RYR2: variants seen among roughly 807,000 people sequenced by gnomAD.
The protein encoded by RYR2 is cardiac muscle ryanodine receptor-calcium release channel.
Under a neutral mutation model 601.1 loss-of-function variants are expected in RYR2, and 227 were observed. That is an observed-to-expected ratio of 0.38 (90% CI 0.34 to 0.42). RYR2 has a LOEUF of 0.42. Ranked by LOEUF, RYR2 falls within the 10% of genes least tolerant of loss-of-function variation. The pLI is 1.00. For synonymous variants in RYR2, 2,223 were observed against 2,175.1 expected (o/e 1.02, Z -0.61); for missense variants, 4,646 against 6,156.5 (o/e 0.75, Z 8.21).
In RYR2 at chr1:237,772,045, A is replaced by G. The variant is rs794728776; in HGVS notation, c.11591A>G (p.Asn3864Ser). 6.4e-7 allele frequency: 1 copy of G among 1,553,338 alleles called. No individual in the cohort carries two copies. Among genetic ancestry groups the G allele is most frequent in the Non-Finnish European group, 8.8e-7 (1 of 1,142,532 alleles). The change falls in exon 86 of 105, where the codon AAT becomes AGT. Residue 3864 changes from asparagine (N) to serine (S), a missense_variant. Transcript: ENST00000366574. The stretch of plus-strand genomic sequence containing the variant: ...AATTATCTGAGAACTCAGACTGGCA[A>G]TAATACAACTGTCAACATAATTATC... ...FQNYLRTQTG[N>S]NTTVNIIIST...
At chr1:237,669,405 C>T (rs1476789041) in intron 58 of RYR2, among the ~76,000 whole-genome samples, 32 of 151,298 alleles carry the variant, frequency 2.1e-4, no homozygotes, top group African/African-American at 5.8e-4. Flanking sequence ...ACCTCCCAGA[C>T]GGGGTGGTGG....
rs201086644 is a variant in RYR2 at position 237,668,163 on chromosome 1, C to T, written c.8590+205C>T. Among the ~76,000 whole-genome samples, 7 of 152,258 alleles carry T rather than the reference C, an allele frequency of 4.6e-5. No individual in the cohort carries two copies. The East Asian group carries it at 1.4e-3, about 29-fold the overall frequency. On this transcript the variant is annotated intron_variant, in intron 58 of 104. Transcript: ENST00000366574. Reference sequence around the variant, plus strand: ...TTCTTGTGTCTCAGAATTTTGACAGCTTTCTTTTACCCATTTTAGCTTACA... The same window carrying T: ...TTCTTGTGTCTCAGAATTTTGACAGTTTTCTTTTACCCATTTTAGCTTACA...
intron 8 of RYR2, among the ~76,000 whole-genome samples, chr1:237,383,523 G>A (rs1701727857): frequency 1.4e-5 from 2 of 139,638 alleles, no homozygotes; most frequent in African/African-American, 5.3e-5. Flanking sequence ...TCCACCTCCC[G>A]GGTTCACGCC....
At chr1:237,197,304 G>A (rs1680679089) in intron 1 of RYR2, among the ~76,000 whole-genome samples, 1 of 152,082 alleles carries the variant, frequency 6.6e-6, no homozygotes, top group Non-Finnish European at 1.5e-5. Context: ...TATGATATTT[G>A]CTATAGGATT....
chr1:237,133,146 C>A (rs1039033747), intron 1 of RYR2, among the ~76,000 whole-genome samples: 3 of 152,050 alleles, frequency 2.0e-5, no homozygotes, highest in African/African-American at 7.2e-5. Context: ...AGGGGCCAGA[C>A]AAGTCTGCAC....
intron 35 of RYR2, among the ~76,000 whole-genome samples, chr1:237,602,799 T>C (rs556139651): frequency 7.9e-5 from 12 of 152,272 alleles, no homozygotes; most frequent in African/African-American, 2.2e-4. Flanking sequence ...GGGAAATCCA[T>C]TGGAAATTTG....
chr1:237,274,142 T>C (rs1690015156), intron 2 of RYR2, among the ~76,000 whole-genome samples: 1 of 148,638 alleles, frequency 6.7e-6, no homozygotes, highest in Non-Finnish European at 1.5e-5. Context: ...ATATGATAAC[T>C]ATATATTTCT....
chr1:237,768,759 C>T (rs568916911), intron 84 of RYR2, among the ~76,000 whole-genome samples: 1 of 152,212 alleles, frequency 6.6e-6, no homozygotes, highest in South Asian at 2.1e-4. Context: ...TGGGCAATGG[C>T]AGCATTTTAA....
At chr1:237,398,159 C>G (rs1426678140) in intron 10 of RYR2, among the ~76,000 whole-genome samples, 1 of 152,152 alleles carries the variant, frequency 6.6e-6, no homozygotes, top group African/African-American at 2.4e-5. Flanking sequence ...CCTCTTGTCT[C>G]ATCATGGCCA....
intron 1 of RYR2, among the ~76,000 whole-genome samples, chr1:237,268,951 A>AAAAAAC (rs1553373204): frequency 7.4e-5 from 6 of 80,584 alleles, no homozygotes; most frequent in East Asian, 7.3e-4. Flanking sequence ...AAAAAAAAAA[A>AAAAAAC]AAAAAAAAAA....
chr1:237,368,075 G>A (rs950059567), intron 5 of RYR2, among the ~76,000 whole-genome samples: 2 of 152,096 alleles, frequency 1.3e-5, no homozygotes, highest in African/African-American at 4.8e-5. Context: ...TGAGGAAACT[G>A]GATGAGGCTT....
At position 237,321,911 on chromosome 1, in the gene RYR2, G is replaced by C. The variant is rs549914939; in HGVS notation, c.169-8967G>C. ...CAGAAATAAGGACCTTGTAACAGGG[G>C]CTATGTGATTTTTAAGCAGTAAGTA... On this transcript the variant is annotated intron_variant, in intron 2 of 104. Coordinates refer to ENST00000366574, the MANE Select transcript of RYR2 (RefSeq NM_001035.3). Among the ~76,000 whole-genome samples the C allele has an allele frequency of 3.9e-5, 6 of 152,258 alleles. No homozygotes were observed. In the East Asian group the frequency reaches 1.2e-3, roughly 29 times the overall value.
intron 23 of RYR2, among the ~76,000 whole-genome samples, chr1:237,507,684 T>G (rs1665412329): frequency 6.6e-6 from 1 of 152,260 alleles, no homozygotes; most frequent in African/African-American, 2.4e-5. Context: ...GTCATTACAG[T>G]GAACTGGGTT....
Position 237,614,922 on chromosome 1 carries a change from C to T in RYR2, c.5715+79C>T. On this transcript the variant is annotated intron_variant, in intron 37 of 104. Transcript: ENST00000366574. The surrounding 1 kb of genome is among the most constrained non-coding windows in gnomAD (Gnocchi z 4.3). ...TTAGAACATGCCTTTGTTTCTTTCT[C>T]TGTGTGTGTGTTTATTTCTTTGCAT... is the stretch of plus-strand genomic sequence containing the variant. 7.3e-7 allele frequency: 1 copy of T among 1,361,442 alleles called. No homozygotes were observed. Among genetic ancestry groups the T allele is most frequent in the Non-Finnish European group, 9.9e-7 (1 of 1,010,414 alleles). The allele number at this position is 1,361,442 out of a possible 1,614,324, so 84.3% of individuals were successfully genotyped here. A position where few individuals can be genotyped will look rare whatever the true frequency, so the allele number is the denominator to read the frequency against.
chr1:237,141,925 C>G (rs1673434512), intron 1 of RYR2, among the ~76,000 whole-genome samples: 1 of 152,230 alleles, frequency 6.6e-6, no homozygotes, highest in South Asian at 2.1e-4. Flanking sequence ...ACCTGTCACA[C>G]TACAGAAGTC....
intron 3 of RYR2, among the ~76,000 whole-genome samples, chr1:237,346,367 C>CAAAAAAAAAAAAAAAGAAAAAAAA (rs1698312719): frequency 1.6e-5 from 1 of 62,352 alleles, no homozygotes; most frequent in Non-Finnish European, 3.4e-5. Flanking sequence ...GGGTCTACCT[C>CAAAAAAAAAAAAAAAGAAAAAAAA]AAAAAAAAAA....
chr1:237,581,301 T>G (rs1420232979), intron 29 of RYR2, among the ~76,000 whole-genome samples: 1 of 152,186 alleles, frequency 6.6e-6, no homozygotes, highest in African/African-American at 2.4e-5. Context: ...CAGAGGCCCA[T>G]GATGGTTATA....
chr1:237,265,407 T>C (rs548564712), intron 1 of RYR2, among the ~76,000 whole-genome samples: 1 of 151,992 alleles, frequency 6.6e-6, no homozygotes, highest in South Asian at 2.1e-4. Context: ...CTGCAACCTC[T>C]GCCTCCCGGG....
At chr1:237,325,135 G>GT (rs1696025043) in intron 2 of RYR2, among the ~76,000 whole-genome samples, 1 of 152,194 alleles carries the variant, frequency 6.6e-6, no homozygotes, top group Non-Finnish European at 1.5e-5. Context: ...TCCAAGCTGA[G>GT]TGACAGTGTT....
Sources: gnomAD v4.1 joint callset for allele counts (sites outside exome capture counted in the v4.1 genomes callset) on GRCh38, gnomAD v4.1.1 for gene constraint, Gnocchi (gnomAD v3.1) non-coding constraint, MANE v1.5 for transcripts, NCBI Gene and HGNC (gene_info 2026-07-23, HGNC 2026-07-21) for gene names.